Variants in ARMH4 observed in about 807,000 individuals in gnomAD.
ARMH4 encodes the protein armadillo-like helical domain-containing protein 4.
In ARMH4, 49 loss-of-function variants were observed where a neutral mutation model predicts 61.9. The ratio of observed to expected loss-of-function variants is 0.79; its 90% CI spans 0.63 to 1.00. ARMH4 has a LOEUF of 1.00. ARMH4 is among the 50% of genes least tolerant of loss of function. The pLI is 0.00. For missense variants in ARMH4, 934 were observed against 930.0 expected (o/e 1.00, Z -0.06); for synonymous variants, 368 against 341.5 (o/e 1.08, Z -0.85).
At chr14:58,051,790 G>C (rs1457152972) in intron 5 of ARMH4, among the ~76,000 whole-genome samples, 2 of 152,080 alleles carry the variant, frequency 1.3e-5, no homozygotes, top group African/African-American at 2.4e-5. Context: ...TCCAAGCTTA[G>C]TGTCCAGTCT....
Position 58,139,234 on chromosome 14 carries a change from G to T in ARMH4, c.125C>A (p.Ala42Glu), listed in dbSNP as rs199836120. The T allele has an allele frequency of 1.9e-6, 3 of 1,613,996 alleles. No individual in the cohort carries two copies. The highest frequency in any genetic ancestry group is 1.3e-5 in the African/African-American group (1 of 74,898). The change falls in exon 2 of 8, where the codon GCG becomes GAG. Residue 42 changes from alanine to glutamate, a missense_variant. Coordinates refer to ENST00000267485, the MANE Select transcript of ARMH4 (RefSeq NM_001001872.4). ...CATCTTATCGGACTGCCCTTTTTCCGCATGAACATGTGCTATCTCCCTCCT... is the reference window on the plus strand; with the variant it reads ...CATCTTATCGGACTGCCCTTTTTCCTCATGAACATGTGCTATCTCCCTCCT... ...ERRREIAHVH[A>E]EKGQSDKMNT...
chr14:58,093,284 A>C (rs1249482965), intron 5 of ARMH4, among the ~76,000 whole-genome samples: 2 of 151,914 alleles, frequency 1.3e-5, no homozygotes, highest in African/African-American at 4.8e-5. Context: ...CTAATAATAC[A>C]CCTGGCCTAA....
At chr14:58,085,835 T>C (rs1220660507) in intron 5 of ARMH4, among the ~76,000 whole-genome samples, 4 of 152,166 alleles carry the variant, frequency 2.6e-5, no homozygotes. Flanking sequence ...GAAACTTTGG[T>C]ACCATTAACC....
intron 5 of ARMH4, among the ~76,000 whole-genome samples, chr14:58,054,883 A>AAAATAATAAT (rs374230526): frequency 7.2e-6 from 1 of 138,446 alleles, no homozygotes; most frequent in African/African-American, 2.7e-5. Flanking sequence ...AAAAAAAAAA[A>AAAATAATAAT]AATAATAATA....
chr14:58,022,334 T>C (rs1882867778), intron 5 of ARMH4, among the ~76,000 whole-genome samples: 1 of 152,182 alleles, frequency 6.6e-6, no homozygotes, highest in Admixed American at 6.5e-5. Flanking sequence ...ACCGTTGTGA[T>C]AATCTCCCCA....
At chr14:58,022,611 A>G (rs571650387) in intron 5 of ARMH4, among the ~76,000 whole-genome samples, 36 of 151,896 alleles carry the variant, frequency 2.4e-4, no homozygotes, top group African/African-American at 8.4e-4. Context: ...TCCCCACCTC[A>G]CTTCCTCACT....
rs1417105436 is a variant in ARMH4 at position 58,138,087 on chromosome 14, G to A, written c.1272C>T (p.Ser424=). 4 of 1,614,068 alleles carry A rather than the reference G, an allele frequency of 2.5e-6. No homozygotes were observed. The highest frequency in any genetic ancestry group is 2.2e-5 in the East Asian group (1 of 44,904). Residue 424 remains serine (S), a synonymous_variant, in exon 2 of 8, where the codon TCC becomes TCT. Transcript: ENST00000267485. ...LLQSTGDFTE[S]TKENDALFFL... is the part of the protein sequence containing the mutation. The stretch of plus-strand genomic sequence containing the variant: ...AAAACAGGGCATCGTTTTCCTTGGT[G>A]GATTCCGTGAAGTCTCCCGTACTTT...
chr14:58,120,366 C>G (rs1450248620), intron 4 of ARMH4, among the ~76,000 whole-genome samples: 2 of 152,086 alleles, frequency 1.3e-5, no homozygotes, highest in African/African-American at 4.8e-5. Flanking sequence ...CACACACACA[C>G]ACACACAAAG....
intron 5 of ARMH4, among the ~76,000 whole-genome samples, chr14:58,047,195 G>A (rs901247838): frequency 3.3e-5 from 5 of 152,158 alleles, no homozygotes; most frequent in Non-Finnish European, 7.3e-5. Context: ...TTCTAATAAC[G>A]TGGGATTATC....
intron 4 of ARMH4, among the ~76,000 whole-genome samples, chr14:58,111,166 T>C (rs1306157011): frequency 1.3e-5 from 2 of 152,224 alleles, no homozygotes; most frequent in African/African-American, 2.4e-5. Flanking sequence ...TGTCAAGGAA[T>C]GCTTTTGTCT....
At chr14:58,111,829 A>C (rs1886364415) in intron 4 of ARMH4, among the ~76,000 whole-genome samples, 1 of 151,960 alleles carries the variant, frequency 6.6e-6, no homozygotes, top group African/African-American at 2.4e-5. Context: ...AGTAGCTAGG[A>C]CTACAGGTGC....
intron 1 of ARMH4, among the ~76,000 whole-genome samples, chr14:58,144,967 C>T (rs1211687460): frequency 1.3e-5 from 2 of 152,198 alleles, no homozygotes; most frequent in African/African-American, 4.8e-5. Context: ...AACTGACCTA[C>T]TAAATTCTAT....
chr14:58,007,824 C>T (rs573108815), intron 6 of ARMH4, among the ~76,000 whole-genome samples: 3 of 152,100 alleles, frequency 2.0e-5, no homozygotes, highest in Non-Finnish European at 4.4e-5. Flanking sequence ...TGTATTATTC[C>T]AACCAGGAAT....
At chr14:58,015,713 C>A (rs1882585443) in intron 5 of ARMH4, among the ~76,000 whole-genome samples, 1 of 141,252 alleles carries the variant, frequency 7.1e-6, no homozygotes, top group Non-Finnish European at 1.5e-5. Flanking sequence ...TAAGAGAATG[C>A]AATGCAAGAA....
chr14:58,063,829 A>G (rs1884614318), intron 5 of ARMH4, among the ~76,000 whole-genome samples: 1 of 152,226 alleles, frequency 6.6e-6, no homozygotes, highest in Non-Finnish European at 1.5e-5. Flanking sequence ...GGCATAAACA[A>G]TAAAACTAAC....
intron 5 of ARMH4, among the ~76,000 whole-genome samples, chr14:58,041,557 T>C (rs1883705133): frequency 6.6e-6 from 1 of 152,104 alleles, no homozygotes; most frequent in African/African-American, 2.4e-5. Context: ...AATAACCAGC[T>C]AACATCATAA....
intron 5 of ARMH4, among the ~76,000 whole-genome samples, chr14:58,052,213 C>A (rs911570588): frequency 6.6e-6 from 1 of 152,140 alleles, no homozygotes; most frequent in Non-Finnish European, 1.5e-5. Context: ...GTGTCCTGCG[C>A]ACCCCCATGC....
At chr14:58,061,823 C>T (rs1410176376) in intron 5 of ARMH4, among the ~76,000 whole-genome samples, 7 of 152,150 alleles carry the variant, frequency 4.6e-5, no homozygotes, top group South Asian at 4.2e-4. Flanking sequence ...ACACAGCCTA[C>T]GAGGCAGCCT....
In ARMH4 at chr14:58,012,109, C is replaced by CT. The variant is rs777415867; in HGVS notation, c.2121+9dup. Reference sequence around the variant, plus strand: ...AAAAATAAACCAATGGAAGAAAATACTTTTCTTACCTTGTCTTTTAATTTT... The same window carrying CT: ...AAAAATAAACCAATGGAAGAAAATACTTTTTCTTACCTTGTCTTTTAATTTT... On this transcript the variant is annotated intron_variant, in intron 6 of 7. Transcript: ENST00000267485. The CT allele has an allele frequency of 1.6e-5, 23 of 1,475,126 alleles. No individual in the cohort carries two copies. The African/African-American group carries it at 3.1e-4, about 20-fold the overall frequency. 91.4% of individuals were successfully genotyped at this position (1,475,126 alleles called of 1,614,324 possible).
Sources: allele counts gnomAD v4.1 joint callset (sites outside exome capture counted in the v4.1 genomes callset), GRCh38; gene constraint gnomAD v4.1.1; transcripts MANE v1.5; gene names NCBI Gene and HGNC (gene_info 2026-07-23, HGNC 2026-07-21).